G2E3: variants seen among roughly 807,000 people sequenced by gnomAD.
The protein encoded by G2E3 is G2/M phase-specific E3 ubiquitin-protein ligase.
In G2E3, 35 loss-of-function variants were observed where a neutral mutation model predicts 92.8. The observed-to-expected ratio is 0.38, with a 90% CI of 0.29 to 0.50. G2E3 has a LOEUF of 0.50. Ranked by LOEUF, G2E3 falls within the 20% of genes least tolerant of loss-of-function variation. The pLI is 0.94. For missense variants in G2E3, 554 were observed against 823.8 expected (o/e 0.67, Z 4.01); for synonymous variants, 242 against 272.4 (o/e 0.89, Z 1.10).
chr14:30,560,653 A>AT (rs898284013), intron 1 of G2E3: 3 of 610,166 alleles, frequency 4.9e-6, no homozygotes, highest in African/African-American at 1.9e-5. Flanking sequence ...TAATCTCTTT[A>AT]TTTTTTTCTA....
In G2E3 at chr14:30,618,083, C is replaced by T. The variant is rs573592860; in HGVS notation, c.*1549C>T. ...AATAGATTTGAAAGAGATAATATAT[C>T]TCTTAATACCAAAGGAAAACTAAAA... On this transcript the variant is annotated 3_prime_UTR_variant, in exon 15 of 15. Transcript: ENST00000206595. 7.2e-5 allele frequency: 11 copies of T among 152,140 alleles called. No homozygotes were observed. Among genetic ancestry groups the T allele is most frequent in the African/African-American group, 2.6e-4 (11 of 41,532 alleles). 9.4% of individuals were successfully genotyped at this position (152,140 alleles called of 1,614,324 possible).
At chr14:30,590,475 A>G in intron 4 of G2E3, 1 of 336,226 alleles carries the variant, frequency 3.0e-6, no homozygotes, top group South Asian at 2.4e-5. Context: ...AGAGAACTAA[A>G]ATAATGTTCT....
Position 30,581,233 on chromosome 14 carries a change from T to C in G2E3, c.37+117T>C. Reference sequence around the variant, plus strand: ...CACAAGCTTAGTTTGTATGTCCACATACTAAAGTATAATATTGCATATATT... The same window carrying C: ...CACAAGCTTAGTTTGTATGTCCACACACTAAAGTATAATATTGCATATATT... On this transcript the variant is annotated intron_variant, in intron 2 of 14. Transcript: ENST00000206595. 4.6e-6 allele frequency: 3 copies of C among 647,852 alleles called. No homozygotes were observed. In the South Asian group the frequency reaches 5.4e-5, roughly 12 times the overall value. 40.1% of individuals were successfully genotyped at this position (647,852 alleles called of 1,614,324 possible).
Position 30,597,434 on chromosome 14 carries a change from T to C in G2E3, c.543T>C (p.Asn181=), listed in dbSNP as rs1881343902. ...TTCCACTGTAGGTTCAAGCAATAAATGCGGGAGTGTTTTTCTTTAGGTGTA... is the reference window on the plus strand; with the variant it reads ...TTCCACTGTAGGTTCAAGCAATAAACGCGGGAGTGTTTTTCTTTAGGTGTA... ...HRDCLQVQAI[N]AGVFFFRCTI... is the part of the protein sequence containing the mutation. Residue 181 remains asparagine (N), a synonymous_variant, in exon 7 of 15, where the codon AAT becomes AAC. Transcript: ENST00000206595. 1 of 1,571,614 alleles carries C rather than the reference T, an allele frequency of 6.4e-7. No homozygotes were observed. The highest frequency in any genetic ancestry group is 8.8e-7 in the Non-Finnish European group (1 of 1,141,710).
chr14:30,615,297 A>AAT, intron 13 of G2E3, 52 bp from the exon 14 acceptor site: 2 of 912,504 alleles, frequency 2.2e-6, no homozygotes, highest in Non-Finnish European at 3.3e-6. Context: ...TCCCTAATAT[A>AAT]ATACCAAACA....
chr14:30,601,633 C>T (rs986597575), intron 8 of G2E3, 137 bp from the exon 9 acceptor site: 60 of 778,254 alleles, frequency 7.7e-5, no homozygotes, highest in Non-Finnish European at 1.1e-4. Flanking sequence ...AGCAGATAAT[C>T]TTTTTCTTCC....
At chr14:30,564,609 C>T (rs528806831) in intron 1 of G2E3, among the ~76,000 whole-genome samples, 2 of 152,318 alleles carry the variant, frequency 1.3e-5, no homozygotes, top group East Asian at 3.9e-4. Context: ...GCTGGAATTA[C>T]AGGTGTGAGC....
At chr14:30,577,677 A>G (rs1880194527) in intron 1 of G2E3, 1 of 152,252 alleles carries the variant, frequency 6.6e-6, no homozygotes. Flanking sequence ...GTGATCCATG[A>G]TAGTGAGGAG....
intron 8 of G2E3, among the ~76,000 whole-genome samples, chr14:30,599,222 C>G (rs1881440623): frequency 7.1e-6 from 1 of 140,704 alleles, no homozygotes. Flanking sequence ...CTGTAATTAC[C>G]TCTTTTTTTT....
At chr14:30,613,095 GTTTAGAACACTGGTCTAAGTTAGACAAC>G (rs1420362800) in intron 13 of G2E3, among the ~76,000 whole-genome samples, 3 of 152,016 alleles carry the variant, frequency 2.0e-5, no homozygotes, top group Non-Finnish European at 4.4e-5. Context: ...CTGTCCTTTA[GTTTAGAACACTGGTCTAAGTTAGACAAC>G]TTATGTATCT....
chr14:30,596,792 T>G (rs906219274), intron 6 of G2E3, among the ~76,000 whole-genome samples: 1 of 152,234 alleles, frequency 6.6e-6, no homozygotes, highest in Non-Finnish European at 1.5e-5. Context: ...GTATTTTTGG[T>G]ACATAGCATG....
chr14:30,564,253 T>C (rs1879297585), intron 1 of G2E3, among the ~76,000 whole-genome samples: 1 of 152,250 alleles, frequency 6.6e-6, no homozygotes, highest in South Asian at 2.1e-4. Context: ...TTGTGTACAA[T>C]GGACATATGC....
intron 1 of G2E3, among the ~76,000 whole-genome samples, chr14:30,567,196 GTTAGGAAGTGTCATAATATCT>G (rs2138770489): frequency 6.6e-6 from 1 of 152,220 alleles, no homozygotes; most frequent in African/African-American, 2.4e-5. Flanking sequence ...CATAAAATGA[GTTAGGAAGTGTCATAATATCT>G]TTTGGAGGGG....
At chr14:30,588,536 T>TA (rs34653368) in intron 3 of G2E3, among the ~76,000 whole-genome samples, 7 of 151,520 alleles carry the variant, frequency 4.6e-5, no homozygotes, top group South Asian at 2.1e-4. Context: ...TATAATACTT[T>TA]AAAAAAAAAG....
intron 1 of G2E3, among the ~76,000 whole-genome samples, chr14:30,577,223 C>CAAAAAAAAAAAAAAAA (rs59757142): frequency 8.7e-5 from 7 of 80,724 alleles, no homozygotes; most frequent in East Asian, 3.4e-4. Context: ...GACTCTGTCT[C>CAAAAAAAAAAAAAAAA]AAAAAAAAAA....
intron 1 of G2E3, among the ~76,000 whole-genome samples, chr14:30,571,528 T>C (rs529096960): frequency 7.3e-4 from 111 of 152,198 alleles, no homozygotes; most frequent in Non-Finnish European, 1.3e-3. Context: ...CCCAAGATCA[T>C]GAAGATTCTT....
intron 14 of G2E3, among the ~76,000 whole-genome samples, chr14:30,615,845 T>A (rs1290462570): frequency 2.0e-5 from 3 of 152,166 alleles, no homozygotes; most frequent in African/African-American, 7.2e-5. Context: ...ATCTATTTCA[T>A]CATTTTCAAT....
rs573018892 is a variant in G2E3 at position 30,602,028 on chromosome 14, T to G, written c.907T>G (p.Leu303Val). 6.2e-7 allele frequency: 1 copy of G among 1,611,326 alleles called. No individual in the cohort carries two copies. The highest frequency in any genetic ancestry group is 1.1e-5 in the South Asian group (1 of 90,756). ...GEFQKAKKHV[L>V]PNSNNVGITD... is the part of the protein sequence containing the mutation. ...GTTCCAAAAAGCCAAAAAACATGTA[T>G]TACCCAATTCTAATAATGTGGGGAT... Residue 303 changes from leucine (L) to valine (V), a missense_variant, in exon 10 of 15, where the codon TTA becomes GTA. Around this residue, in one of 3 missense-constraint regions of G2E3, gnomAD observed 397 missense variants for 560.3 expected, o/e 0.71. Coordinates refer to ENST00000206595, the MANE Select transcript of G2E3 (RefSeq NM_017769.5).
intron 7 of G2E3, among the ~76,000 whole-genome samples, chr14:30,597,913 G>A (rs546741066): frequency 3.6e-4 from 55 of 152,028 alleles, no homozygotes; most frequent in Non-Finnish European, 6.2e-4. Context: ...ATTAAAAATC[G>A]AAAGTGAAAT....
Sources: allele counts gnomAD v4.1 joint callset (sites outside exome capture counted in the v4.1 genomes callset), GRCh38; gene constraint gnomAD v4.1.1; regional missense constraint gnomAD v4.1.1; transcripts MANE v1.5; gene names NCBI Gene and HGNC (gene_info 2026-07-23, HGNC 2026-07-21).